The following MTMR9 variants were observed in gnomAD, a reference collection of about 807,000 sequenced individuals.
MTMR9 encodes the protein myotubularin-related protein 9.
Under a neutral mutation model 69.5 loss-of-function variants are expected in MTMR9, and 39 were observed. That is an observed-to-expected ratio of 0.56 (90% CI 0.43 to 0.73). MTMR9 has a LOEUF of 0.73. Among genes scored for constraint, MTMR9 ranks in the 30% least tolerant of loss-of-function variants. The pLI, the probability that MTMR9 is intolerant of heterozygous loss-of-function variation, is 0.00. For missense variants in MTMR9, 900 were observed against 671.2 expected, an observed-to-expected ratio of 1.34 and a Z score of -3.77; for synonymous variants, 354 against 240.8, an observed-to-expected ratio of 1.47 and a Z score of -4.35.
chr8:11,291,676 T>C (rs1799384888), intron 1 of MTMR9, among the ~76,000 whole-genome samples: 1 of 152,184 alleles, frequency 6.6e-6, no homozygotes, highest in Non-Finnish European at 1.5e-5. Context: ...TCATTCATTA[T>C]ACTTTATAGC....
In MTMR9 at chr8:11,325,447, C is replaced by G. The variant is rs1800887432; in HGVS notation, c.*2659C>G. On this transcript the variant is annotated 3_prime_UTR_variant, in exon 10 of 10. Coordinates refer to ENST00000221086, the MANE Select transcript of MTMR9 (RefSeq NM_015458.4). ...AGAGAATGGTGGCAGAATGAGTGAG[C>G]AAGCAGATTGCCCCAGAGGGGCCGG... is the stretch of plus-strand genomic sequence containing the variant. 6.6e-6 allele frequency: 1 copy of G among 152,126 alleles called. No homozygotes were observed. Among genetic ancestry groups the G allele is most frequent in the Non-Finnish European group, 1.5e-5 (1 of 68,024 alleles). The allele number at this position is 152,126 out of a possible 1,614,324, so 9.4% of individuals were successfully genotyped here.
chr8:11,330,955 A>G, downstream of MTMR9: 1 of 1,315,374 alleles, frequency 7.6e-7, no homozygotes, highest in Non-Finnish European at 1.0e-6. Flanking sequence ...GAAAAGAAGC[A>G]GAGTTGGACT....
chr8:11,299,487 G>T (rs1799676312), intron 2 of MTMR9, among the ~76,000 whole-genome samples: 1 of 152,158 alleles, frequency 6.6e-6, no homozygotes, highest in Non-Finnish European at 1.5e-5. Flanking sequence ...GTGGTTACAT[G>T]ACTTTCCTAC....
At chr8:11,322,070 G>T (rs1369467261) in intron 9 of MTMR9, among the ~76,000 whole-genome samples, 8 of 152,170 alleles carry the variant, frequency 5.3e-5, no homozygotes, top group Admixed American at 5.2e-4. Context: ...GGGGAAAGAA[G>T]AAATTGCCTG....
chr8:11,329,902 TGTG>T (rs1214406819), downstream of MTMR9, among the ~76,000 whole-genome samples: 23 of 150,888 alleles, frequency 1.5e-4, no homozygotes, highest in East Asian at 4.1e-3. Flanking sequence ...TCATCTGAGA[TGTG>T]GGGAGCGCCT....
chr8:11,321,213 C>A (rs911630169), intron 9 of MTMR9: 1 of 333,002 alleles, frequency 3.0e-6, no homozygotes, highest in Non-Finnish European at 6.0e-6. Flanking sequence ...CTTAGATGGT[C>A]TTGAGGTTCT....
intron 3 of MTMR9, among the ~76,000 whole-genome samples, chr8:11,301,357 A>G (rs995543261): frequency 6.6e-6 from 1 of 152,218 alleles, no homozygotes; most frequent in Non-Finnish European, 1.5e-5. Context: ...CTTCCCCTTA[A>G]TGCTCAGTTG....
Position 11,316,816 on chromosome 8 carries a change from G to A in MTMR9, c.1257G>A (p.Glu419=). Residue 419 remains glutamate (E), a synonymous_variant, in exon 8 of 10, where the codon GAG becomes GAA. Coordinates refer to ENST00000221086, the MANE Select transcript of MTMR9 (RefSeq NM_015458.4). ...RQFPCSFEFN[E]NFLIMLFEHA... The stretch of plus-strand genomic sequence containing the variant: ...TTCCCTGTTCTTTTGAGTTTAATGA[G>A]AATTTCCTCATCATGCTCTTTGAGC... 6.2e-7 allele frequency: 1 copy of A among 1,613,786 alleles called. No individual in the cohort carries two copies. Among genetic ancestry groups the A allele is most frequent in the Non-Finnish European group, 8.5e-7 (1 of 1,179,902 alleles).
In MTMR9 at chr8:11,326,685, T is replaced by G. The variant is rs1303744321; in HGVS notation, c.*3897T>G. The stretch of plus-strand genomic sequence containing the variant: ...TGTTACCCATCATCTTTAAAAACAT[T>G]ATAGGCTGGGCATGGTGGCTTACGC... On this transcript the variant is annotated 3_prime_UTR_variant, in exon 10 of 10. Coordinates refer to ENST00000221086, the MANE Select transcript of MTMR9 (RefSeq NM_015458.4). 1 of 152,288 alleles carries G rather than the reference T, an allele frequency of 6.6e-6. No homozygotes were observed. Among genetic ancestry groups the G allele is most frequent in the Admixed American group, 6.5e-5 (1 of 15,280 alleles). 9.4% of individuals were successfully genotyped at this position (152,288 alleles called of 1,614,324 possible).
intron 2 of MTMR9, among the ~76,000 whole-genome samples, chr8:11,295,612 G>T (rs1361723547): frequency 1.3e-5 from 2 of 152,154 alleles, no homozygotes; most frequent in East Asian, 3.8e-4. Context: ...TGTTTCACTT[G>T]AGTGTATGAG....
rs757399370 is a variant in MTMR9, at chr8:11,319,714, G to A, written c.1362G>A (p.Thr454=). The change falls in exon 9 of 10, where the codon ACG becomes ACA. Residue 454 remains threonine, a synonymous_variant. Transcript: ENST00000221086. The stretch of plus-strand genomic sequence containing the variant: ...GTAAGTTGAAGCTACAGCAGAAGAC[G>A]ATGTCTTTGTGGTCCTGGGTTAATC... The part of the protein sequence containing the change: ...ERCKLKLQQK[T]MSLWSWVNQP... 22 of 1,614,008 alleles carry A rather than the reference G, an allele frequency of 1.4e-5. No homozygotes were observed. The highest frequency in any genetic ancestry group is 2.2e-5 in the South Asian group (2 of 91,068).
chr8:11,303,674 C>G (rs1799832958), intron 3 of MTMR9, among the ~76,000 whole-genome samples: 1 of 152,068 alleles, frequency 6.6e-6, no homozygotes, highest in African/African-American at 2.4e-5. Flanking sequence ...GCTGGAAATA[C>G]AAGTGTGTGC....
intron 2 of MTMR9, among the ~76,000 whole-genome samples, chr8:11,296,431 G>T (rs1418976782): frequency 6.6e-6 from 1 of 152,174 alleles, no homozygotes; most frequent in Non-Finnish European, 1.5e-5. Flanking sequence ...CCGTTTTTAA[G>T]TGTACAGTTT....
downstream of MTMR9, among the ~76,000 whole-genome samples, chr8:11,329,031 A>T (rs569647023): frequency 6.6e-6 from 1 of 152,334 alleles, no homozygotes; most frequent in Non-Finnish European, 1.5e-5. Flanking sequence ...TTTGTTGAAG[A>T]GACTGTCCTT....
At chr8:11,331,756 C>A (rs368368532), downstream of MTMR9, 3 of 1,611,942 alleles carry the variant, frequency 1.9e-6, no homozygotes, top group South Asian at 1.1e-5. Flanking sequence ...CACTTTCCCT[C>A]CTGCCTCCCA....
intron 2 of MTMR9, among the ~76,000 whole-genome samples, chr8:11,296,450 A>C (rs557381838): frequency 1.3e-5 from 2 of 152,214 alleles, no homozygotes; most frequent in African/African-American, 2.4e-5. Flanking sequence ...TTAGTAGGGT[A>C]TAAAACTTTA....
intron 2 of MTMR9, among the ~76,000 whole-genome samples, chr8:11,297,682 G>C (rs548793006): frequency 9.9e-5 from 15 of 152,232 alleles, no homozygotes; most frequent in African/African-American, 3.4e-4. Context: ...AAAAGGGGAA[G>C]TGTGCTACCC....
In MTMR9 at chr8:11,304,989, G is replaced by T. The variant is rs1488710759; in HGVS notation, c.566G>T (p.Ser189Ile). The change falls in exon 4 of 10, where the codon AGC (serine) becomes ATC (isoleucine). Residue 189 changes from serine to isoleucine, a missense_variant. By Grantham distance (142) the Ser-to-Ile change is moderately radical. Transcript: ENST00000221086. Reference protein sequence around the residue: ...FRHGGRFPVLSYYHKKNGMVI... With the variant: ...FRHGGRFPVLIYYHKKNGMVI... The stretch of plus-strand genomic sequence containing the variant: ...CATGGAGGGCGCTTCCCAGTACTAA[G>T]CTATTACCACAAAAAAAATGGGATG... The T allele has an allele frequency of 6.2e-6, 10 of 1,613,844 alleles. No homozygotes were observed. The highest frequency in any genetic ancestry group is 8.5e-6 in the Non-Finnish European group (10 of 1,179,924).
chr8:11,306,482 A>G (rs1031418901), intron 5 of MTMR9, 75 bp downstream of exon 5: 25 of 1,305,970 alleles, frequency 1.9e-5, no homozygotes, highest in Non-Finnish European at 2.7e-5. Flanking sequence ...CCATTTGAAA[A>G]TCACAAGTGC....
Sources: gnomAD v4.1 joint callset for allele counts (sites outside exome capture counted in the v4.1 genomes callset) on GRCh38, gnomAD v4.1.1 for gene constraint, MANE v1.5 for transcripts, NCBI Gene and HGNC (gene_info 2026-07-23, HGNC 2026-07-21) for gene names.